Variants in ARHGEF12 observed in about 807,000 individuals in gnomAD.
ARHGEF12 encodes the protein Rho guanine nucleotide exchange factor 12.
In ARHGEF12, 66 loss-of-function variants were observed where a neutral mutation model predicts 211.2. The ratio of observed to expected loss-of-function variants is 0.31; its 90% CI spans 0.26 to 0.38. ARHGEF12 has a LOEUF of 0.38. ARHGEF12 is among the 10% of genes least tolerant of loss of function. ARHGEF12 has a pLI of 1.00. For synonymous variants in ARHGEF12, 592 were observed against 638.4 expected, an observed-to-expected ratio of 0.93 and a Z score of 1.09; for missense variants, 1,429 against 1,869.5, an observed-to-expected ratio of 0.76 and a Z score of 4.34.
In ARHGEF12 at chr11:120,405,190, T is replaced by C. The variant is rs1944662293; in HGVS notation, c.33-928T>C. ...TTATGTTTATTTCTGTCTTTACTAA[T>C]AGGCTTTTTTAAAACCCTAGTTTTA... is the stretch of plus-strand genomic sequence containing the variant. On this transcript the variant is annotated intron_variant, in intron 1 of 40. Transcript: ENST00000397843. 1.3e-5 allele frequency among the ~76,000 whole-genome samples: 2 copies of C among 152,222 alleles called. 1 individual carries two copies. The highest frequency in any genetic ancestry group is 4.1e-4 in the South Asian group (2 of 4,828).
chr11:120,431,817 C>T lies in ARHGEF12; in HGVS notation c.830C>T (p.Thr277Ile). ...TPSRPLGDTL[T>I]VSEAETDPGD... ...TCCAGACCTTTAGGGGACACCCTAACAGTCAGTGAGGCAGAAACAGATCCT... is the reference window on the plus strand; with the variant it reads ...TCCAGACCTTTAGGGGACACCCTAATAGTCAGTGAGGCAGAAACAGATCCT... The change falls in exon 11 of 41, where the codon ACA (threonine) becomes ATA (isoleucine). Residue 277 changes from threonine (T) to isoleucine (I), a missense_variant. Physicochemically the swap from Thr to Ile is moderately conservative, Grantham distance 89. Coordinates refer to ENST00000397843, the MANE Select transcript of ARHGEF12 (RefSeq NM_015313.3). The T allele has an allele frequency of 6.2e-7, 1 of 1,613,980 alleles. No individual in the cohort carries two copies. The highest frequency in any genetic ancestry group is 8.5e-7 in the Non-Finnish European group (1 of 1,179,898).
chr11:120,366,365 C>T (rs1163317649), intron 1 of ARHGEF12, among the ~76,000 whole-genome samples: 7 of 152,084 alleles, frequency 4.6e-5, no homozygotes, highest in Non-Finnish European at 1.0e-4. Context: ...ACTATGTTGC[C>T]CAGGCTGGTC....
chr11:120,412,968 A>G (rs1944931806), intron 4 of ARHGEF12, among the ~76,000 whole-genome samples: 1 of 152,180 alleles, frequency 6.6e-6, no homozygotes, highest in South Asian at 2.1e-4. Context: ...TTATTAGACT[A>G]TTATAATAGA....
chr11:120,405,767 A>G (rs910166569), intron 1 of ARHGEF12, among the ~76,000 whole-genome samples: 1 of 152,112 alleles, frequency 6.6e-6, no homozygotes, highest in African/African-American at 2.4e-5. Flanking sequence ...CTTCATAGAG[A>G]TTTCTTTTTT....
chr11:120,451,370 G>A (rs496034), intron 21 of ARHGEF12, 142 bp from the exon 22 acceptor site: 263,979 of 650,950 alleles, frequency 0.41, 57,075 homozygotes, highest in East Asian at 0.49. Context: ...ATAGAGACGG[G>A]GTTTCACCAT....
At chr11:120,354,039 A>C (rs553849164) in intron 1 of ARHGEF12, among the ~76,000 whole-genome samples, 1 of 152,124 alleles carries the variant, frequency 6.6e-6, no homozygotes, top group Non-Finnish European at 1.5e-5. Context: ...AAGCGGGACC[A>C]TACCTGGAGG....
At chr11:120,457,436 C>T (rs1024317308) in intron 23 of ARHGEF12, 186 bp downstream of exon 23, 3 of 579,342 alleles carry the variant, frequency 5.2e-6, no homozygotes, top group African/African-American at 3.9e-5. Context: ...TGAGACCAGC[C>T]TGGGCAACGT....
chr11:120,420,906 A>C, intron 5 of ARHGEF12, 55 bp downstream of exon 5: 1 of 1,463,508 alleles, frequency 6.8e-7, no homozygotes, highest in Non-Finnish European at 9.5e-7. Flanking sequence ...AGAATAGAAA[A>C]GCTTAAATAA....
intron 1 of ARHGEF12, chr11:120,385,425 C>A (rs1477855148): frequency 2.0e-6 from 2 of 985,224 alleles, no homozygotes; most frequent in African/African-American, 3.5e-5. Context: ...TCATTTTCTT[C>A]TACTCCATGG....
chr11:120,358,676 A>G (rs1194276888), intron 1 of ARHGEF12, among the ~76,000 whole-genome samples: 3 of 152,184 alleles, frequency 2.0e-5, no homozygotes, highest in Admixed American at 2.0e-4. Flanking sequence ...CACTAGCCAC[A>G]TTTCAAATAT....
intron 1 of ARHGEF12, among the ~76,000 whole-genome samples, chr11:120,375,184 T>A (rs914121686): frequency 5.3e-5 from 8 of 152,100 alleles, no homozygotes; most frequent in Non-Finnish European, 8.8e-5. Flanking sequence ...GCAAAGTGAG[T>A]CTTCTTATCA....
intron 16 of ARHGEF12, among the ~76,000 whole-genome samples, chr11:120,445,693 G>A (rs1218088444): frequency 3.9e-5 from 6 of 151,976 alleles, no homozygotes; most frequent in Non-Finnish European, 7.4e-5. Flanking sequence ...GAGGTCAAGA[G>A]TTCGAGACCA....
chr11:120,451,367 C>G (rs1591609521), intron 21 of ARHGEF12, 145 bp from the exon 22 acceptor site: 1 of 641,970 alleles, frequency 1.6e-6, no homozygotes, highest in East Asian at 2.9e-5. Flanking sequence ...TTAATAGAGA[C>G]GGGGTTTCAC....
intron 1 of ARHGEF12, among the ~76,000 whole-genome samples, chr11:120,391,504 AC>A (rs1042703845): frequency 2.6e-5 from 4 of 151,958 alleles, no homozygotes; most frequent in Admixed American, 6.6e-5. Flanking sequence ...TGCTGGGGAA[AC>A]CCTTTTTCCT....
chr11:120,440,286 A>C, intron 13 of ARHGEF12, 65 bp downstream of exon 13: 1 of 1,297,634 alleles, frequency 7.7e-7, no homozygotes, highest in African/African-American at 1.5e-5. Flanking sequence ...TTGTTGCAAA[A>C]ATGAGCACGT....
intron 34 of ARHGEF12, chr11:120,476,966 A>G (rs1282490034): frequency 1.7e-6 from 1 of 588,952 alleles, no homozygotes; most frequent in Non-Finnish European, 2.9e-6. Context: ...AAAATTGTGC[A>G]AAATGTCAAG....
At chr11:120,409,297 C>T (rs1944812011) in intron 3 of ARHGEF12, 97 bp from the exon 4 acceptor site, 2 of 1,243,468 alleles carry the variant, frequency 1.6e-6, no homozygotes, top group Non-Finnish European at 2.3e-6. Context: ...CACGATTTAA[C>T]TTGATCATGA....
rs551252523 is a variant in ARHGEF12, at chr11:120,425,145, A to G, written c.406+730A>G. Among the ~76,000 whole-genome samples, 182 of 152,258 alleles carry G rather than the reference A, an allele frequency of 1.2e-3. 1 individual carries two copies. The highest frequency in any genetic ancestry group is 0.011 in the South Asian group (52 of 4,820). ...GGCAAGCCAGGCCTCAGCCACTCAC[A>G]GGGCCTCAGTTTTCCCATCTGCACA... On this transcript the variant is annotated intron_variant, in intron 7 of 40. Coordinates refer to ENST00000397843, the MANE Select transcript of ARHGEF12 (RefSeq NM_015313.3).
At chr11:120,372,165 TA>T (rs1943607454) in intron 1 of ARHGEF12, among the ~76,000 whole-genome samples, 1 of 152,210 alleles carries the variant, frequency 6.6e-6, no homozygotes, top group Admixed American at 6.5e-5. Flanking sequence ...GAACATTAGA[TA>T]AAGTAATAGT....
Sources: gnomAD v4.1 joint callset for allele counts (sites outside exome capture counted in the v4.1 genomes callset) on GRCh38, gnomAD v4.1.1 for gene constraint, MANE v1.5 for transcripts, NCBI Gene and HGNC (gene_info 2026-07-23, HGNC 2026-07-21) for gene names.